The following FHDC1 variants were observed in gnomAD, a reference collection of about 807,000 sequenced individuals.
The protein encoded by FHDC1 is FH2 domain containing 1.
Under a neutral mutation model 52.6 loss-of-function variants are expected in FHDC1, and 25 were observed. The ratio of observed to expected loss-of-function variants is 0.48; its 90% CI spans 0.35 to 0.66. The LOEUF is 0.66. Ranked by LOEUF, FHDC1 falls within the 30% of genes least tolerant of loss-of-function variation. FHDC1 has a pLI of 0.01. For missense variants in FHDC1, 1,459 were observed against 1,452.8 expected (o/e 1.00, Z -0.07); for synonymous variants, 616 against 581.5 (o/e 1.06, Z -0.85).
In FHDC1 at chr4:152,963,108, A is replaced by G; in HGVS notation, c.1007A>G (p.Asn336Ser). ...ACAAAAGCAAACAAACCTGGGATGA[A>G]TCTCCTGCACTTTGTTGCACAGGTA... is the stretch of plus-strand genomic sequence containing the variant. Reference protein sequence around the residue: ...ADTKANKPGMNLLHFVAQEAQ... With the variant: ...ADTKANKPGMSLLHFVAQEAQ... Residue 336 changes from asparagine to serine, a missense_variant, in exon 8 of 12, where the codon AAT becomes AGT. This residue lies in a region of FHDC1 where 513 missense variants were observed against 581.5 expected (regional missense o/e 0.88). Coordinates refer to ENST00000511601, the MANE Select transcript of FHDC1 (RefSeq NM_001371116.1). 1.9e-6 allele frequency: 3 copies of G among 1,613,986 alleles called. No individual in the cohort carries two copies. The highest frequency in any genetic ancestry group is 2.5e-6 in the Non-Finnish European group (3 of 1,180,000).
At chr4:152,951,083 G>A (rs906859233) in intron 2 of FHDC1, among the ~76,000 whole-genome samples, 3 of 152,164 alleles carry the variant, frequency 2.0e-5, no homozygotes, top group African/African-American at 7.2e-5. Context: ...GTTCACGTGG[G>A]GTGTGGGAGA....
chr4:152,945,603 C>T lies in FHDC1; in HGVS notation c.498+2048C>T, dbSNP rs753375795. On this transcript the variant is annotated intron_variant, in intron 2 of 11. Coordinates refer to ENST00000511601, the MANE Select transcript of FHDC1 (RefSeq NM_001371116.1). ...TCCTGAGTAGCTGGGATTACAGGGG[C>T]GTGCCACAACACCCAGCTAATTTTT... Among the ~76,000 whole-genome samples, 8 of 152,108 alleles carry T rather than the reference C, an allele frequency of 5.3e-5. No individual in the cohort carries two copies. The South Asian group carries it at 1.5e-3, about 28-fold the overall frequency.
In FHDC1 at chr4:152,949,110, A is replaced by G. The variant is rs1267304482; in HGVS notation, c.499-4389A>G. 7.0e-4 allele frequency among the ~76,000 whole-genome samples: 56 copies of G among 79,644 alleles called. 1 individual carries two copies. Among genetic ancestry groups the G allele is most frequent in the African/African-American group, 2.5e-3 (53 of 20,826 alleles). 52.2% of individuals were successfully genotyped at this position (79,644 alleles called of 152,430 possible). On this transcript the variant is annotated intron_variant, in intron 2 of 11. Transcript: ENST00000511601. ...TCTCAGTAATAATAATAATAATAAT[A>G]ATAATAATAATAATAAGAAGAAGAA...
chr4:152,943,342 G>A lies in FHDC1; in HGVS notation c.285G>A (p.Lys95=), dbSNP rs1561202522. Reference sequence around the variant, plus strand: ...GCTACAGCCACCTTGGTAAGAAAAAGCGGATGAGAAGCTTTTTTTGGAAAA... The same window carrying A: ...GCTACAGCCACCTTGGTAAGAAAAAACGGATGAGAAGCTTTTTTTGGAAAA... ...MNGYSHLGKK[K]RMRSFFWKTI... is the part of the protein sequence containing the mutation. The change falls in exon 2 of 12, where the codon AAG becomes AAA. Residue 95 remains lysine, a synonymous_variant. Coordinates refer to ENST00000511601, the MANE Select transcript of FHDC1 (RefSeq NM_001371116.1). The A allele has an allele frequency of 2.0e-6, 3 of 1,492,644 alleles. No homozygotes were observed. Among genetic ancestry groups the A allele is most frequent in the Non-Finnish European group, 2.7e-6 (3 of 1,109,648 alleles). The allele number at this position is 1,492,644 out of a possible 1,614,324, so 92.5% of individuals were successfully genotyped here.
intron 2 of FHDC1, among the ~76,000 whole-genome samples, chr4:152,950,391 G>A (rs753951575): frequency 1.1e-4 from 16 of 152,216 alleles, no homozygotes; most frequent in Non-Finnish European, 2.1e-4. Flanking sequence ...TGCCGGGAGC[G>A]AGTGGGACTG....
intron 3 of FHDC1, among the ~76,000 whole-genome samples, chr4:152,953,876 T>A (rs1740001047): frequency 6.6e-6 from 1 of 152,166 alleles, no homozygotes; most frequent in African/African-American, 2.4e-5. Flanking sequence ...CGGTCAGAGT[T>A]TTGTGTTCTG....
the FHDC1 span, among the ~76,000 whole-genome samples, chr4:152,912,874 G>T: frequency 6.6e-6 from 1 of 152,164 alleles, no homozygotes. Context: ...GTTTGCAAAA[G>T]CAATTTAGCT....
At chr4:152,923,861 A>G in the FHDC1 span, among the ~76,000 whole-genome samples, 1 of 152,084 alleles carries the variant, frequency 6.6e-6, no homozygotes, top group African/African-American at 2.4e-5. Context: ...TTAATTCAAG[A>G]TGGATTAAAG....
chr4:152,963,232 G>C (rs1740338915), intron 8 of FHDC1, 102 bp downstream of exon 8: 3 of 996,418 alleles, frequency 3.0e-6, no homozygotes, highest in Admixed American at 2.0e-5. Context: ...GGTTAGGAAA[G>C]GGCATGGCAA....
chr4:152,950,591 T>G (rs1053779504), intron 2 of FHDC1, among the ~76,000 whole-genome samples: 1 of 152,216 alleles, frequency 6.6e-6, no homozygotes, highest in African/African-American at 2.4e-5. Flanking sequence ...TGCCCCTGTG[T>G]TGGGGCACCG....
chr4:152,970,906 A>G (rs1740619453), intron 10 of FHDC1, among the ~76,000 whole-genome samples: 1 of 152,114 alleles, frequency 6.6e-6, no homozygotes, highest in Non-Finnish European at 1.5e-5. Context: ...CAGCAGTTCT[A>G]CCCCTCCAAA....
At chr4:152,958,906 C>T (rs1376241168) in intron 4 of FHDC1, among the ~76,000 whole-genome samples, 1 of 152,122 alleles carries the variant, frequency 6.6e-6, no homozygotes, top group Non-Finnish European at 1.5e-5. Context: ...ATTTTCTGTC[C>T]TAAAAGAAGA....
the FHDC1 span, among the ~76,000 whole-genome samples, chr4:152,920,851 T>A: frequency 6.6e-6 from 1 of 150,888 alleles, no homozygotes; most frequent in East Asian, 1.9e-4. Flanking sequence ...TAAGTGTCTT[T>A]TTAAAAAAAA....
At chr4:152,930,962 A>AACACACACACAC in the FHDC1 span, among the ~76,000 whole-genome samples, 423 of 104,774 alleles carry the variant, frequency 4.0e-3, 4 homozygotes, top group Middle Eastern at 9.5e-3. Context: ...TCCCCAGGGA[A>AACACACACACAC]ACACACACAC....
rs114618358 is a variant in FHDC1, at chr4:152,957,463, G to A, written c.664-3102G>A. Among the ~76,000 whole-genome samples, 552 of 152,328 alleles carry A rather than the reference G, an allele frequency of 3.6e-3. 9 individuals are homozygous for A. The highest frequency in any genetic ancestry group is 0.024 in the Admixed American group (375 of 15,308). ...CCTTGTCTGGTGTCACATGATTGCT[G>A]AGTGATACAGCAGCGGGGTGGACTT... On this transcript the variant is annotated intron_variant, in intron 4 of 11. Transcript: ENST00000511601.
the FHDC1 span, chr4:152,916,954 T>G: frequency 6.6e-6 from 1 of 152,170 alleles, no homozygotes; most frequent in African/African-American, 2.4e-5. Flanking sequence ...AAAATTGCTA[T>G]ATTTACTACA....
chr4:152,975,480 A>G lies in FHDC1; in HGVS notation c.2189A>G (p.Asp730Gly), dbSNP rs760820217. ...AGCAGCCTGACACCCATGGGCAGAG[A>G]TGCCCTGGGGAGTCTCAGCCCAGCG... ...SSSSLTPMGR[D>G]ALGSLSPALE... The change falls in exon 12 of 12, where the codon GAT (aspartate) becomes GGT (glycine). Residue 730 changes from aspartate to glycine, a missense_variant. Asp to Gly is a moderately conservative substitution (Grantham distance 94). Coordinates refer to ENST00000511601, the MANE Select transcript of FHDC1 (RefSeq NM_001371116.1). 1.4e-5 allele frequency: 22 copies of G among 1,613,338 alleles called. 1 individual carries two copies. In the South Asian group the frequency reaches 2.3e-4, roughly 17 times the overall value.
intron 8 of FHDC1, 100 bp downstream of exon 8, chr4:152,963,230 A>G: frequency 9.8e-7 from 1 of 1,017,784 alleles, no homozygotes; most frequent in Non-Finnish European, 1.5e-6. Context: ...AGGGTTAGGA[A>G]AGGGCATGGC....
At chr4:152,974,596 C>T (rs1443246123) in intron 11 of FHDC1, 79 bp from the exon 12 acceptor site, 16 of 1,479,888 alleles carry the variant, frequency 1.1e-5, no homozygotes, top group African/African-American at 2.8e-5. Context: ...CTTTCTTTGG[C>T]TCTTAGCGTA....
Sources: gnomAD v4.1 joint callset for allele counts (sites outside exome capture counted in the v4.1 genomes callset) on GRCh38, gnomAD v4.1.1 for gene constraint, gnomAD v4.1.1 regional missense constraint, MANE v1.5 for transcripts, NCBI Gene and HGNC (gene_info 2026-07-23, HGNC 2026-07-21) for gene names.